The following NNT variants were observed in gnomAD, a reference collection of about 807,000 sequenced individuals.
NNT encodes the protein nicotinamide nucleotide transhydrogenase, also known as NAD(P) transhydrogenase, mitochondrial.
In NNT, 50 loss-of-function variants were observed where a neutral mutation model predicts 104.8. The observed-to-expected ratio is 0.48, with a 90% CI of 0.38 to 0.60. The LOEUF is 0.60. Among genes scored for constraint, NNT ranks in the 20% least tolerant of loss-of-function variants. The pLI is 0.00. For missense variants in NNT, 1,131 were observed against 1,330.7 expected, an observed-to-expected ratio of 0.85 and a Z score of 2.33; for synonymous variants, 461 against 490.4, an observed-to-expected ratio of 0.94 and a Z score of 0.79.
chr5:43,704,232 C>T (rs375608414), intron 21 of NNT, 23 bp from the exon 22 acceptor site: 39 of 1,529,820 alleles, frequency 2.5e-5, no homozygotes, highest in Admixed American at 4.4e-5. Context: ...AATACACTCT[C>T]TCATTTAATC....
At chr5:43,621,996 A>G (rs1750121127) in intron 5 of NNT, among the ~76,000 whole-genome samples, 2 of 152,286 alleles carry the variant, frequency 1.3e-5, no homozygotes, top group East Asian at 1.9e-4. Flanking sequence ...CCTCTCTTCT[A>G]GGTCATGTTA....
At chr5:43,659,508 A>T (rs1740242388) in intron 17 of NNT, among the ~76,000 whole-genome samples, 158 bp downstream of exon 17, 1 of 152,178 alleles carries the variant, frequency 6.6e-6, no homozygotes, top group African/African-American at 2.4e-5. Context: ...AGGCAGGTGG[A>T]TCACGAGCTC....
intron 17 of NNT, among the ~76,000 whole-genome samples, chr5:43,665,953 C>T (rs1310214732): frequency 2.0e-5 from 3 of 151,560 alleles, no homozygotes; most frequent in Non-Finnish European, 4.4e-5. Context: ...AGTTCCCAGA[C>T]GGGGTCGCGC....
intron 10 of NNT, among the ~76,000 whole-genome samples, chr5:43,648,830 T>G (rs1348485614): frequency 2.6e-5 from 4 of 152,192 alleles, no homozygotes; most frequent in African/African-American, 4.8e-5. Context: ...ACATGTGGCA[T>G]TGTTAATAAA....
intron 19 of NNT, among the ~76,000 whole-genome samples, chr5:43,680,433 G>C (rs1262977108): frequency 6.6e-6 from 1 of 152,108 alleles, no homozygotes; most frequent in Middle Eastern, 3.2e-3. Context: ...ACAGCTGCTG[G>C]GCCTCTGGAG....
Position 43,628,388 on chromosome 5 carries a change from G to C in NNT, c.964+1G>C. 6.3e-7 allele frequency: 1 copy of C among 1,576,994 alleles called. No homozygotes were observed. The highest frequency in any genetic ancestry group is 8.6e-7 in the Non-Finnish European group (1 of 1,162,520). Reference sequence around the variant, plus strand: ...CTTATCAGCACAGCACTTATTCCAGGTATGCCATTAAGTAAACGGTTATTT... The same window carrying C: ...CTTATCAGCACAGCACTTATTCCAGCTATGCCATTAAGTAAACGGTTATTT... On this transcript the variant is annotated splice_donor_variant, in intron 7 of 21. Transcript: ENST00000344920. LOFTEE classifies it high-confidence loss of function.
chr5:43,649,536 C>A (rs1739642041), intron 11 of NNT, among the ~76,000 whole-genome samples: 1 of 151,078 alleles, frequency 6.6e-6, no homozygotes, highest in Non-Finnish European at 1.5e-5. Flanking sequence ...GCTCCCATTT[C>A]AAGCAGTGCA....
intron 19 of NNT, among the ~76,000 whole-genome samples, chr5:43,698,995 T>C (rs1352607788): frequency 1.3e-5 from 2 of 151,922 alleles, no homozygotes; most frequent in Admixed American, 6.6e-5. Context: ...TTCCAAGAGA[T>C]AGTATAAACT....
chr5:43,702,889 T>C (rs1361852596), intron 21 of NNT, among the ~76,000 whole-genome samples, 153 bp downstream of exon 21: 3 of 152,178 alleles, frequency 2.0e-5, no homozygotes, highest in Non-Finnish European at 4.4e-5. Flanking sequence ...TATATCCAGC[T>C]TCTGTCTGTT....
At chr5:43,633,335 T>C (rs529793229) in intron 7 of NNT, among the ~76,000 whole-genome samples, 2 of 152,338 alleles carry the variant, frequency 1.3e-5, no homozygotes, top group African/African-American at 4.8e-5. Flanking sequence ...AACTAATATC[T>C]TATTCTCTGG....
chr5:43,676,591 C>T (rs765919858), intron 18 of NNT, among the ~76,000 whole-genome samples: 48 of 152,248 alleles, frequency 3.2e-4, no homozygotes, highest in African/African-American at 1.1e-3. Context: ...TGTACTGTAA[C>T]GTGTGGGACA....
chr5:43,649,457 A>T, intron 11 of NNT, 149 bp downstream of exon 11: 1 of 870,196 alleles, frequency 1.1e-6, no homozygotes, highest in Non-Finnish European at 1.8e-6. Flanking sequence ...GGGCTCCCAG[A>T]CTCTGAGAGG....
intron 14 of NNT, among the ~76,000 whole-genome samples, chr5:43,655,507 G>T (rs1739994537): frequency 6.6e-6 from 1 of 151,896 alleles, no homozygotes. Flanking sequence ...TTACTTTCAG[G>T]CTATATATAT....
rs1055339311 is a variant in NNT at position 43,653,412 on chromosome 5, C to G, written c.2059+199C>G. On this transcript the variant is annotated intron_variant, in intron 14 of 21. Transcript: ENST00000344920. ...CACTGAATAAATGCATCAACTGAGT[C>G]AAAATATCCTATACTCAATTCTTAT... 1.5e-5 allele frequency: 8 copies of G among 544,052 alleles called. No individual in the cohort carries two copies. In the African/African-American group the frequency reaches 1.5e-4, roughly 10 times the overall value. The allele number at this position is 544,052 out of a possible 1,614,324, so 33.7% of individuals were successfully genotyped here.
At chr5:43,687,521 A>AT (rs758379567) in intron 19 of NNT, among the ~76,000 whole-genome samples, 76 of 152,240 alleles carry the variant, frequency 5.0e-4, no homozygotes, top group Non-Finnish European at 7.5e-4. Flanking sequence ...TTGTGCCAGA[A>AT]TTTTTTATAA....
chr5:43,627,876 A>G (rs1466299602), intron 6 of NNT, among the ~76,000 whole-genome samples: 3 of 152,186 alleles, frequency 2.0e-5, no homozygotes, highest in East Asian at 3.9e-4. Context: ...CCTGATGTAT[A>G]TGAGGTATCA....
Position 43,653,036 on chromosome 5 carries a change from G to A in NNT, c.1882G>A (p.Gly628Ser), listed in dbSNP as rs761387836. The change falls in exon 14 of 22, where the codon GGT becomes AGT. Residue 628 changes from glycine to serine, a missense_variant. Transcript: ENST00000344920. ...TGAAAAGATCATGTACCTAGGCTCG[G>A]GTTTGTGCTGTGTCGGTGCCTTGGC... ...NIEQIMYLGS[G>S]LCCVGALAGL... 1.9e-6 allele frequency: 3 copies of A among 1,613,554 alleles called. No individual in the cohort carries two copies. The highest frequency in any genetic ancestry group is 2.5e-6 in the Non-Finnish European group (3 of 1,179,646).
chr5:43,619,094 C>A lies in NNT; in HGVS notation c.662C>A (p.Ala221Asp). 1 of 1,553,330 alleles carries A rather than the reference C, an allele frequency of 6.4e-7. No individual in the cohort carries two copies. The highest frequency in any genetic ancestry group is 8.7e-7 in the Non-Finnish European group (1 of 1,147,644). The change falls in exon 5 of 22, where the codon GCT (alanine) becomes GAT (aspartate). Residue 221 changes from alanine to aspartate, a missense_variant. Transcript: ENST00000344920. ...CGTTTTTTTACTGGTCAGATCACAG[C>A]TGCTGGAAAAGTTCCTCCAGCTAAG... ...FGRFFTGQITAAGKVPPAKIL... is the reference protein window; with the variant it reads ...FGRFFTGQITDAGKVPPAKIL...
intron 17 of NNT, chr5:43,666,691 C>G: frequency 1.2e-6 from 1 of 821,022 alleles, no homozygotes; most frequent in East Asian, 2.4e-5. Context: ...GACCCCAGCC[C>G]CATGCAGATG....
Sources: gnomAD v4.1 joint callset for allele counts (sites outside exome capture counted in the v4.1 genomes callset) on GRCh38, gnomAD v4.1.1 for gene constraint, MANE v1.5 for transcripts, NCBI Gene and HGNC (gene_info 2026-07-23, HGNC 2026-07-21) for gene names.